The following DOCK3 variants were observed in gnomAD, a reference collection of about 807,000 sequenced individuals.
DOCK3 encodes the protein dedicator of cytokinesis protein 3.
A neutral mutation model predicts 265.6 loss-of-function variants in DOCK3; 60 were observed. The ratio of observed to expected loss-of-function variants is 0.23; its 90% CI spans 0.18 to 0.28. The LOEUF (loss-of-function observed/expected upper bound fraction) is 0.28. Ranked by LOEUF, DOCK3 falls within the 10% of genes least tolerant of loss-of-function variation. The probability of loss-of-function intolerance (pLI) is 1.00; values close to 1 mark genes in which losing one functional copy is unlikely to be tolerated. For synonymous variants in DOCK3, 881 were observed against 938.0 expected (o/e 0.94, Z 1.11); for missense variants, 1,981 against 2,594.3 (o/e 0.76, Z 5.14).
intron 4 of DOCK3, chr3:50,900,762 G>A: frequency 2.2e-6 from 1 of 445,372 alleles, no homozygotes; most frequent in South Asian, 1.6e-5. Flanking sequence ...GGAGTTTGCA[G>A]GAGGTCCACT....
intron 14 of DOCK3, among the ~76,000 whole-genome samples, chr3:51,215,648 C>T (rs919546774): frequency 6.6e-6 from 1 of 152,124 alleles, no homozygotes; most frequent in Non-Finnish European, 1.5e-5. Context: ...TGGTGGGTTC[C>T]AGCTGCCTTC....
intron 1 of DOCK3, among the ~76,000 whole-genome samples, chr3:50,761,981 T>A (rs1481191470): frequency 6.6e-6 from 1 of 152,060 alleles, no homozygotes; most frequent in African/African-American, 2.4e-5. Context: ...CTGGAAACCA[T>A]CATTCTCAGC....
chr3:51,000,293 A>G (rs1157120692), intron 5 of DOCK3, among the ~76,000 whole-genome samples: 1 of 152,244 alleles, frequency 6.6e-6, no homozygotes, highest in Non-Finnish European at 1.5e-5. Context: ...TAGGCAAAAC[A>G]GACAAAAGTG....
chr3:50,905,072 A>C (rs2049410993), intron 4 of DOCK3, among the ~76,000 whole-genome samples: 1 of 152,058 alleles, frequency 6.6e-6, no homozygotes. Flanking sequence ...AGATGGTTGT[A>C]GATGTGTGGT....
intron 2 of DOCK3, among the ~76,000 whole-genome samples, chr3:50,795,968 A>G (rs1362556079): frequency 1.3e-5 from 2 of 151,668 alleles, no homozygotes; most frequent in African/African-American, 4.8e-5. Context: ...CTCCCTAACC[A>G]TGTTCTGAAT....
At chr3:51,036,605 T>G (rs1056344959) in intron 5 of DOCK3, among the ~76,000 whole-genome samples, 1 of 152,218 alleles carries the variant, frequency 6.6e-6, no homozygotes, top group African/African-American at 2.4e-5. Flanking sequence ...TACCGTACTC[T>G]GATGCCCTTA....
intron 11 of DOCK3, 115 bp downstream of exon 11, chr3:51,159,419 G>T (rs2086021449): frequency 1.1e-6 from 1 of 937,622 alleles, no homozygotes; most frequent in Admixed American, 1.9e-5. Flanking sequence ...CAGGTCTCAG[G>T]ATTAGAGTCC....
intron 5 of DOCK3, among the ~76,000 whole-genome samples, chr3:50,978,409 G>C (rs894489581): frequency 4.7e-5 from 3 of 63,422 alleles, no homozygotes; most frequent in Non-Finnish European, 1.6e-4. Flanking sequence ...TGCCGTGTGA[G>C]GTGTCAGTGT....
At chr3:51,279,854 C>T (rs148250714) in intron 26 of DOCK3, among the ~76,000 whole-genome samples, 222 of 152,348 alleles carry the variant, frequency 1.5e-3, no homozygotes, top group African/African-American at 5.0e-3. Context: ...ATATTTGTCT[C>T]ACTTTGCAGT....
rs556306284 is a variant in DOCK3, at chr3:51,278,690, C to T, written c.2823+936C>T. Among the ~76,000 whole-genome samples the T allele has an allele frequency of 2.0e-5, 3 of 152,208 alleles. No individual in the cohort carries two copies. The South Asian group carries it at 6.2e-4, about 32-fold the overall frequency. On this transcript the variant is annotated intron_variant, in intron 26 of 52. Transcript: ENST00000266037. ...CTAACCAACACTTACACAGTGCTTG[C>T]TGTGGGCCAGACCCTGCTTTAAGCA...
chr3:51,058,163 A>G (rs1012790698), intron 5 of DOCK3, among the ~76,000 whole-genome samples: 1 of 152,156 alleles, frequency 6.6e-6, no homozygotes, highest in Non-Finnish European at 1.5e-5. Context: ...CTCAGCTCCC[A>G]AGAACATGCA....
chr3:51,316,014 T>A (rs979896856), intron 32 of DOCK3, among the ~76,000 whole-genome samples: 4 of 152,232 alleles, frequency 2.6e-5, no homozygotes, highest in Admixed American at 2.6e-4. Context: ...ATTTTTAAAT[T>A]TACATAGAGT....
intron 1 of DOCK3, among the ~76,000 whole-genome samples, chr3:50,769,536 C>T (rs562056281): frequency 6.6e-6 from 1 of 152,070 alleles, no homozygotes; most frequent in Non-Finnish European, 1.5e-5. Context: ...CTTGGTCGAG[C>T]ATGGTGGTTC....
At chr3:50,726,206 A>T (rs1160880650) in intron 1 of DOCK3, among the ~76,000 whole-genome samples, 1 of 152,134 alleles carries the variant, frequency 6.6e-6, no homozygotes, top group African/African-American at 2.4e-5. Flanking sequence ...TTTTTCCTGA[A>T]TATTTTTGAT....
chr3:51,016,817 C>A (rs1361500448), intron 5 of DOCK3, among the ~76,000 whole-genome samples: 2 of 3,310 alleles, frequency 6.0e-4, no homozygotes, highest in Non-Finnish European at 9.0e-4. Flanking sequence ...TTATATATAT[C>A]ATATATAAAT....
chr3:51,077,796 G>T (rs977632078), intron 7 of DOCK3, among the ~76,000 whole-genome samples: 1 of 152,126 alleles, frequency 6.6e-6, no homozygotes, highest in Non-Finnish European at 1.5e-5. Flanking sequence ...AAAGTCTAGA[G>T]CTCATAAATG....
intron 2 of DOCK3, among the ~76,000 whole-genome samples, chr3:50,782,262 A>G (rs530781067): frequency 7.0e-6 from 1 of 142,730 alleles, no homozygotes; most frequent in South Asian, 2.3e-4. Flanking sequence ...GCATTCTTTT[A>G]TCTCAGCAGT....
intron 23 of DOCK3, among the ~76,000 whole-genome samples, chr3:51,268,291 G>A (rs959655697): frequency 2.0e-5 from 3 of 152,110 alleles, no homozygotes; most frequent in Non-Finnish European, 4.4e-5. Context: ...TTGCACCACT[G>A]CACTCCAGCC....
chr3:51,254,858 C>T (rs1324568159), intron 22 of DOCK3, among the ~76,000 whole-genome samples: 1 of 152,124 alleles, frequency 6.6e-6, no homozygotes, highest in Non-Finnish European at 1.5e-5. Flanking sequence ...GAGCATTTAG[C>T]CCATTTACAT....
Sources: allele counts gnomAD v4.1 joint callset (sites outside exome capture counted in the v4.1 genomes callset), GRCh38; gene constraint gnomAD v4.1.1; transcripts MANE v1.5; gene names NCBI Gene and HGNC (gene_info 2026-07-23, HGNC 2026-07-21).